RORA: variants seen among roughly 807,000 people sequenced by gnomAD.
The protein encoded by RORA is RAR related orphan receptor A.
In RORA, 7 loss-of-function variants were observed where a neutral mutation model predicts 69.5. The ratio of observed to expected loss-of-function variants is 0.10; its 90% CI spans 0.06 to 0.19. RORA has a LOEUF of 0.19. Among genes scored for constraint, RORA ranks in the 10% least tolerant of loss-of-function variants. The pLI is 1.00. For synonymous variants in RORA, 261 were observed against 240.8 expected, an observed-to-expected ratio of 1.08 and a Z score of -0.78; for missense variants, 457 against 663.0, an observed-to-expected ratio of 0.69 and a Z score of 3.41.
chr15:61,196,358 A>G (rs1477467017), intron 1 of RORA, among the ~76,000 whole-genome samples: 1 of 152,210 alleles, frequency 6.6e-6, no homozygotes, highest in East Asian at 1.9e-4. Context: ...TCAGCAGTTT[A>G]CCTGATAAGC....
chr15:60,987,412 G>C (rs1356427610), intron 1 of RORA, among the ~76,000 whole-genome samples: 1 of 152,140 alleles, frequency 6.6e-6, no homozygotes, highest in Non-Finnish European at 1.5e-5. Flanking sequence ...CATGGACTTC[G>C]AGGTTGACCA....
chr15:61,073,167 C>T (rs2078393252), intron 1 of RORA, among the ~76,000 whole-genome samples: 1 of 152,214 alleles, frequency 6.6e-6, no homozygotes, highest in Non-Finnish European at 1.5e-5. Flanking sequence ...GGTCTCTCTT[C>T]TCTTGCTTCT....
At chr15:61,086,893 C>A (rs1455591537) in intron 1 of RORA, among the ~76,000 whole-genome samples, 1 of 152,100 alleles carries the variant, frequency 6.6e-6, no homozygotes, top group Non-Finnish European at 1.5e-5. Flanking sequence ...AGCATATGGG[C>A]AGGGTGCGGT....
chr15:60,561,577 A>G (rs2067561671), intron 2 of RORA, among the ~76,000 whole-genome samples: 1 of 152,156 alleles, frequency 6.6e-6, no homozygotes, highest in Non-Finnish European at 1.5e-5. Context: ...TAAAGCTTTA[A>G]CAACATGGCT....
At chr15:60,744,724 A>G (rs2071623926) in intron 1 of RORA, among the ~76,000 whole-genome samples, 1 of 152,206 alleles carries the variant, frequency 6.6e-6, no homozygotes, top group East Asian at 1.9e-4. Flanking sequence ...CATGATATTC[A>G]GCAACTTACT....
rs1310383801 is a variant in RORA, at chr15:60,494,255, T to G, written c.*3200A>C. On this transcript the variant is annotated 3_prime_UTR_variant, in exon 11 of 11. Transcript: ENST00000335670. ...ACTTTCATCTGTACTTTTGTTTGCA[T>G]TGTGACCAAGGCCAGGTTTTTCACA... The G allele has an allele frequency of 6.6e-6, 1 of 152,208 alleles. No individual in the cohort carries two copies. The highest frequency in any genetic ancestry group is 1.5e-5 in the Non-Finnish European group (1 of 68,032). 9.4% of individuals were successfully genotyped at this position (152,208 alleles called of 1,614,324 possible).
At chr15:60,972,695 A>G (rs1260310293) in intron 1 of RORA, among the ~76,000 whole-genome samples, 33 of 152,196 alleles carry the variant, frequency 2.2e-4, no homozygotes, top group Non-Finnish European at 1.5e-5. Flanking sequence ...TCCCAGGAAA[A>G]TCATTTCAAC....
chr15:60,551,642 C>T (rs2067230193), intron 2 of RORA, among the ~76,000 whole-genome samples: 1 of 152,212 alleles, frequency 6.6e-6, no homozygotes, highest in African/African-American at 2.4e-5. Flanking sequence ...AAGAGATGCA[C>T]AGCCTCTAGT....
chr15:61,063,920 T>C (rs1193487575), intron 1 of RORA, among the ~76,000 whole-genome samples: 1 of 152,188 alleles, frequency 6.6e-6, no homozygotes, highest in Non-Finnish European at 1.5e-5. Flanking sequence ...CAAGTTCTTG[T>C]CCTGGTGCTG....
chr15:60,514,966 T>C (rs570321686), intron 3 of RORA, among the ~76,000 whole-genome samples: 6 of 152,324 alleles, frequency 3.9e-5, no homozygotes, highest in East Asian at 3.9e-4. Flanking sequence ...CCATCCCTTA[T>C]ACCTGCAAAA....
intron 1 of RORA, among the ~76,000 whole-genome samples, chr15:60,971,153 A>G (rs1893701975): frequency 6.6e-6 from 1 of 152,228 alleles, no homozygotes. Context: ...TGAAGCATGG[A>G]AAGGGACATC....
chr15:61,110,380 C>T (rs1163956030), intron 1 of RORA, among the ~76,000 whole-genome samples: 1 of 146,272 alleles, frequency 6.8e-6, no homozygotes, highest in Middle Eastern at 3.5e-3. Context: ...GGCAACAGAG[C>T]GAGACTCAGT....
chr15:61,155,910 T>G (rs1432212922), intron 1 of RORA, among the ~76,000 whole-genome samples: 4 of 152,170 alleles, frequency 2.6e-5, no homozygotes, highest in Non-Finnish European at 4.4e-5. Flanking sequence ...AAGGCAGGAA[T>G]GCACACACGG....
chr15:61,158,155 T>C (rs1418201397), intron 1 of RORA, among the ~76,000 whole-genome samples: 1 of 152,218 alleles, frequency 6.6e-6, no homozygotes, highest in African/African-American at 2.4e-5. Flanking sequence ...CAAGTCCTTG[T>C]CCACAGAGTG....
chr15:60,806,371 G>A (rs914334104), intron 1 of RORA, among the ~76,000 whole-genome samples: 1 of 152,172 alleles, frequency 6.6e-6, no homozygotes, highest in Non-Finnish European at 1.5e-5. Flanking sequence ...CCCATGAACA[G>A]CAGCCACATG....
Position 61,203,097 on chromosome 15 carries a change from T to C in RORA, c.166+25956A>G, listed in dbSNP as rs147996490. Among the ~76,000 whole-genome samples the C allele has an allele frequency of 3.3e-5, 5 of 152,200 alleles. No homozygotes were observed. In the East Asian group the frequency reaches 9.6e-4, roughly 29 times the overall value. The stretch of plus-strand genomic sequence containing the variant: ...AGCAAGTCTGAATATTTTTAAGAAG[T>C]TTTAAAGAAGAAGATATAGAAAACA... On this transcript the variant is annotated intron_variant, in intron 1 of 10. Transcript: ENST00000335670.
chr15:61,027,980 C>A (rs185173090), intron 1 of RORA, among the ~76,000 whole-genome samples: 15 of 152,294 alleles, frequency 9.8e-5, no homozygotes, highest in Admixed American at 9.2e-4. Context: ...TAGCTAACCA[C>A]TTGTTCAAGC....
chr15:60,838,131 T>C (rs1275365507), intron 1 of RORA, among the ~76,000 whole-genome samples: 1 of 152,068 alleles, frequency 6.6e-6, no homozygotes, highest in African/African-American at 2.4e-5. Context: ...CCATCCCAAG[T>C]GGTGGGATGA....
intron 2 of RORA, among the ~76,000 whole-genome samples, chr15:60,574,547 C>G (rs974286906): frequency 6.6e-6 from 1 of 152,242 alleles, no homozygotes; most frequent in Non-Finnish European, 1.5e-5. Context: ...ATTACCCTAA[C>G]TTCAAACTTG....
Sources: gnomAD v4.1 joint callset for allele counts (sites outside exome capture counted in the v4.1 genomes callset) on GRCh38, gnomAD v4.1.1 for gene constraint, MANE v1.5 for transcripts, NCBI Gene and HGNC (gene_info 2026-07-23, HGNC 2026-07-21) for gene names.